The following DSCC1 variants were observed in gnomAD, a reference collection of about 807,000 sequenced individuals.
DSCC1 encodes DNA replication and sister chromatid cohesion 1, also known as sister chromatid cohesion protein DCC1.
In DSCC1, 32 loss-of-function variants were observed where a neutral mutation model predicts 48.2. The observed-to-expected ratio is 0.66, with a 90% CI of 0.50 to 0.89. The LOEUF is 0.89. Ranked by LOEUF, DSCC1 falls within the 40% of genes least tolerant of loss-of-function variation. DSCC1 has a pLI of 0.00. For synonymous variants in DSCC1, 150 were observed against 171.5 expected (o/e 0.87, Z 0.98); for missense variants, 421 against 471.7 (o/e 0.89, Z 1.00).
rs191668520 is a variant in DSCC1 at position 119,851,911 on chromosome 8, A to G, written c.351+1136T>C. On this transcript the variant is annotated intron_variant, in intron 2 of 8. Coordinates refer to ENST00000313655, the MANE Select transcript of DSCC1 (RefSeq NM_024094.3). Reference sequence around the variant, plus strand: ...TCATAGACATTATTATGCCCTCACAAAAACACCTACAGAACAGATAAGTGA... The same window carrying G: ...TCATAGACATTATTATGCCCTCACAGAAACACCTACAGAACAGATAAGTGA... Among the ~76,000 whole-genome samples the G allele has an allele frequency of 9.2e-5, 14 of 152,294 alleles. No homozygotes were observed. In the East Asian group the frequency reaches 2.7e-3, roughly 29 times the overall value.
Position 119,841,853 on chromosome 8 carries a change from G to C in DSCC1, c.865C>G (p.Gln289Glu). 1 of 1,614,086 alleles carries C rather than the reference G, an allele frequency of 6.2e-7. No homozygotes were observed. The highest frequency in any genetic ancestry group is 1.3e-5 in the African/African-American group (1 of 75,040). The change falls in exon 7 of 9, where the codon CAA becomes GAA. Residue 289 changes from glutamine (Q) to glutamate (E), a missense_variant. By Grantham distance (29) the Gln-to-Glu change is conservative. Around this residue, in one of 3 missense-constraint regions of DSCC1, gnomAD observed 238 missense variants for 259.0 expected, o/e 0.92. Coordinates refer to ENST00000313655, the MANE Select transcript of DSCC1 (RefSeq NM_024094.3). The part of the protein sequence containing the change: ...NAVKFNLAEF[Q>E]EVWQQSVPEG... ...GGAACACTCTGCTGCCACACTTCTTGAAACTCAGCGAGATTGAATTTCACC... is the reference window on the plus strand; with the variant it reads ...GGAACACTCTGCTGCCACACTTCTTCAAACTCAGCGAGATTGAATTTCACC...
chr8:119,846,265 C>T (rs1284094350), intron 4 of DSCC1, among the ~76,000 whole-genome samples: 1 of 152,046 alleles, frequency 6.6e-6, no homozygotes, highest in Non-Finnish European at 1.5e-5. Flanking sequence ...AGGCACCCAC[C>T]ACCACGCCTG....
chr8:119,845,247 G>A (rs944477308), intron 4 of DSCC1, among the ~76,000 whole-genome samples: 11 of 151,786 alleles, frequency 7.2e-5, no homozygotes, highest in African/African-American at 1.9e-4. Context: ...CAACATGCCC[G>A]GCCAAGTTTT....
chr8:119,853,048 T>TCAGTGTGAATAATGCTA lies in DSCC1; in HGVS notation c.349_350insTAGCATTATTCACACTG (p.Glu117ValfsTer18). 1 of 1,607,920 alleles carries TCAGTGTGAATAATGCTA rather than the reference T, an allele frequency of 6.2e-7. No homozygotes were observed. Among genetic ancestry groups the TCAGTGTGAATAATGCTA allele is most frequent in the Non-Finnish European group, 8.5e-7 (1 of 1,176,002 alleles). ...AAATCAGAGTACAGAAAAGAGCACC[T>TCAGTGTGAATAATGCTA]CAGTGTGAATAATGTTACAGTGTGA... On this transcript the variant is annotated frameshift_variant and splice_region_variant, in exon 2 of 9. Transcript: ENST00000313655. LOFTEE classifies it high-confidence loss of function.
chr8:119,838,337 T>G lies in DSCC1; in HGVS notation c.995A>C (p.Glu332Ala). 6.2e-7 allele frequency: 1 copy of G among 1,610,746 alleles called. No homozygotes were observed. Among genetic ancestry groups the G allele is most frequent in the East Asian group, 2.2e-5 (1 of 44,830 alleles). The part of the protein sequence containing the change: ...IFLLKVDDLP[E>A]DNQERFNSLF... The stretch of plus-strand genomic sequence containing the variant: ...GCTATTAAAACGTTCCTGATTATCC[T>G]CAGGTAAATCATCTACTTTCAGCAA... Residue 332 changes from glutamate to alanine, a missense_variant, in exon 8 of 9, where the codon GAG becomes GCG. Around this residue, in one of 3 missense-constraint regions of DSCC1, gnomAD observed 238 missense variants for 259.0 expected, o/e 0.92. Transcript: ENST00000313655.
intron 6 of DSCC1, among the ~76,000 whole-genome samples, 176 bp from the exon 7 acceptor site, chr8:119,842,124 C>T (rs528099876): frequency 2.0e-5 from 3 of 151,908 alleles, no homozygotes; most frequent in Non-Finnish European, 4.4e-5. Flanking sequence ...CCCAGGCTGG[C>T]GTGCATTGGC....
At chr8:119,850,339 A>T in intron 3 of DSCC1, 43 bp downstream of exon 3, 1 of 1,530,530 alleles carries the variant, frequency 6.5e-7, no homozygotes, top group South Asian at 1.3e-5. Flanking sequence ...GCCTCTGATT[A>T]TAGTTGTTAA....
chr8:119,853,740 C>T (rs1826974773), intron 1 of DSCC1, among the ~76,000 whole-genome samples: 1 of 152,202 alleles, frequency 6.6e-6, no homozygotes, highest in East Asian at 1.9e-4. Flanking sequence ...ACCCAAGTGT[C>T]GTCCTTGTTT....
At position 119,850,421 on chromosome 8, in the gene DSCC1, T is replaced by C. The variant is rs191674697; in HGVS notation, c.447A>G (p.Gly149=). 2.0e-5 allele frequency: 32 copies of C among 1,600,926 alleles called. 1 individual carries two copies. In the East Asian group the frequency reaches 7.2e-4, roughly 36 times the overall value. Residue 149 remains glycine (G), a synonymous_variant, in exon 3 of 9, where the codon GGA becomes GGG. Coordinates refer to ENST00000313655, the MANE Select transcript of DSCC1 (RefSeq NM_024094.3). The stretch of plus-strand genomic sequence containing the variant: ...AATCCTTCTCTTTTTGACTGTCAGG[T>C]CCTTCATATGGATTTTCCATCAAAA... The part of the protein sequence containing the change: ...KKLLMENPYE[G]PDSQKEKDSN...
chr8:119,853,227 TG>T lies in DSCC1; in HGVS notation c.183-13del. On this transcript the variant is annotated splice_polypyrimidine_tract_variant and intron_variant, in intron 1 of 8. Coordinates refer to ENST00000313655, the MANE Select transcript of DSCC1 (RefSeq NM_024094.3). The stretch of plus-strand genomic sequence containing the variant: ...CACGAATCACAAGACTGTAGCAAAA[TG>T]GGGGAAAAATATATAGTTTATTGAC... 1 of 1,596,462 alleles carries T rather than the reference TG, an allele frequency of 6.3e-7. No individual in the cohort carries two copies. Among genetic ancestry groups the T allele is most frequent in the Non-Finnish European group, 8.6e-7 (1 of 1,168,892 alleles).
chr8:119,850,248 A>T, intron 3 of DSCC1, 134 bp downstream of exon 3: 4 of 901,488 alleles, frequency 4.4e-6, no homozygotes, highest in Non-Finnish European at 6.3e-6. Context: ...GTGTGCTTGA[A>T]ATTTTATAAC....
chr8:119,844,629 G>A (rs765841104), intron 4 of DSCC1, among the ~76,000 whole-genome samples: 9 of 150,696 alleles, frequency 6.0e-5, no homozygotes, highest in Non-Finnish European at 8.8e-5. Flanking sequence ...GCCCAAGCTG[G>A]TCTTAAACTC....
intron 5 of DSCC1, among the ~76,000 whole-genome samples, chr8:119,843,380 G>A (rs955356123): frequency 3.9e-5 from 6 of 151,976 alleles, no homozygotes; most frequent in East Asian, 1.9e-4. Context: ...GAGCCACTGC[G>A]CCCAGCCTAT....
At chr8:119,842,420 T>C (rs935946086) in intron 6 of DSCC1, among the ~76,000 whole-genome samples, 3 of 150,042 alleles carry the variant, frequency 2.0e-5, no homozygotes, top group African/African-American at 7.4e-5. Context: ...CTCACTCTGT[T>C]GCCTAGGCCA....
chr8:119,844,561 C>A (rs1209928676), intron 4 of DSCC1, among the ~76,000 whole-genome samples: 1 of 150,072 alleles, frequency 6.7e-6, no homozygotes, highest in African/African-American at 2.4e-5. Flanking sequence ...TTACATATGA[C>A]TAGCTTTTCT....
rs756255616 is a variant in DSCC1 at position 119,841,835 on chromosome 8, T to C, written c.883A>G (p.Ser295Gly). 2 of 1,614,076 alleles carry C rather than the reference T, an allele frequency of 1.2e-6. No individual in the cohort carries two copies. Among genetic ancestry groups the C allele is most frequent in the South Asian group, 2.2e-5 (2 of 91,066 alleles). Residue 295 changes from serine (S) to glycine (G), a missense_variant, in exon 7 of 9, where the codon AGT (serine) becomes GGT (glycine). Coordinates refer to ENST00000313655, the MANE Select transcript of DSCC1 (RefSeq NM_024094.3). ...CTAGTTACCATTCCTTCAGGAACAC[T>C]CTGCTGCCACACTTCTTGAAACTCA... Reference protein sequence around the residue: ...LAEFQEVWQQSVPEGMVTSLD... With the variant: ...LAEFQEVWQQGVPEGMVTSLD...
At chr8:119,847,583 T>TAATGACTG (rs143221193) in intron 3 of DSCC1, among the ~76,000 whole-genome samples, 1,674 of 152,224 alleles carry the variant, frequency 0.011, 32 homozygotes, top group African/African-American at 0.038. Flanking sequence ...TGGATAGTGC[T>TAATGACTG]AATGACTGCA....
chr8:119,855,833 G>A lies in DSCC1; in HGVS notation c.-38C>T, dbSNP rs375206626. The A allele has an allele frequency of 9.1e-5, 130 of 1,422,094 alleles. No homozygotes were observed. Among genetic ancestry groups the A allele is most frequent in the Non-Finnish European group, 2.1e-5 (23 of 1,087,880 alleles). 88.1% of individuals were successfully genotyped at this position (1,422,094 alleles called of 1,614,324 possible). A position where few individuals can be genotyped will look rare whatever the true frequency, so the allele number is the denominator to read the frequency against. On this transcript the variant is annotated 5_prime_UTR_variant, in exon 1 of 9. Coordinates refer to ENST00000313655, the MANE Select transcript of DSCC1 (RefSeq NM_024094.3). ...TCTAGGAGTCCCGCCGCGCCCGGGT[G>A]GCTGCGGGCTTGGCGGGCAAGAAAG...
rs1233197809 is a variant in DSCC1, at chr8:119,838,563, A to T, written c.925-156T>A. ...CCAGAGATTTACAATCGCCTTTTTC[A>T]TACAAAGAGCTCCTTTAAGCAGTGA... On this transcript the variant is annotated intron_variant, in intron 7 of 8. Coordinates refer to ENST00000313655, the MANE Select transcript of DSCC1 (RefSeq NM_024094.3). Among the ~76,000 whole-genome samples, 3 of 152,142 alleles carry T rather than the reference A, an allele frequency of 2.0e-5. No individual in the cohort carries two copies. In the East Asian group the frequency reaches 5.8e-4, roughly 29 times the overall value.
Sources: gnomAD v4.1 joint callset for allele counts (sites outside exome capture counted in the v4.1 genomes callset) on GRCh38, gnomAD v4.1.1 for gene constraint, gnomAD v4.1.1 regional missense constraint, MANE v1.5 for transcripts, NCBI Gene and HGNC (gene_info 2026-07-23, HGNC 2026-07-21) for gene names.